MOK: variants seen among roughly 807,000 people sequenced by gnomAD.
MOK encodes MAPK/MAK/MRK overlapping kinase.
A neutral mutation model predicts 54.2 loss-of-function variants in MOK; 59 were observed. The observed-to-expected ratio is 1.09, with a 90% CI of 0.88 to 1.35. The LOEUF is 1.35. Ranked by LOEUF, MOK falls within the 40% of genes most tolerant of loss-of-function variation. The probability of loss-of-function intolerance (pLI) is 0.00; values close to 1 mark genes in which losing one functional copy is unlikely to be tolerated. For missense variants in MOK, 517 were observed against 526.2 expected (o/e 0.98, Z 0.17); for synonymous variants, 210 against 202.7 (o/e 1.04, Z -0.31).
chr14:102,286,375 A>G (rs1294670980), intron 1 of MOK, among the ~76,000 whole-genome samples: 7 of 150,300 alleles, frequency 4.7e-5, no homozygotes, highest in Non-Finnish European at 1.0e-4. Flanking sequence ...TAATCCCAGC[A>G]CTTTGGGAGG....
At chr14:102,234,638 C>G (rs1017451802) in intron 7 of MOK, among the ~76,000 whole-genome samples, 1 of 152,122 alleles carries the variant, frequency 6.6e-6, no homozygotes, top group South Asian at 2.1e-4. Context: ...GTCTATTCCT[C>G]CTAAAACTAC....
intron 2 of MOK, among the ~76,000 whole-genome samples, chr14:102,269,599 A>G (rs2153145431): frequency 6.6e-6 from 1 of 151,888 alleles, no homozygotes; most frequent in East Asian, 1.9e-4. Flanking sequence ...CAGCCTCCCA[A>G]GTAGCTGGGA....
At chr14:102,257,427 T>C in intron 4 of MOK, among the ~76,000 whole-genome samples, 1 of 151,970 alleles carries the variant, frequency 6.6e-6, no homozygotes, top group South Asian at 2.1e-4. Context: ...AAGCCCAGAG[T>C]CTGCTTCTTC....
chr14:102,224,950 T>C (rs1332249797), downstream of MOK: 4 of 379,866 alleles, frequency 1.1e-5, no homozygotes, highest in South Asian at 4.1e-5. Flanking sequence ...AAAGTGTTGA[T>C]TGCTAGGTGC....
At chr14:102,277,845 C>A (rs2069024267) in intron 2 of MOK, among the ~76,000 whole-genome samples, 1 of 152,152 alleles carries the variant, frequency 6.6e-6, no homozygotes, top group Non-Finnish European at 1.5e-5. Context: ...AAACAATGTG[C>A]ACTTCAAGAT....
At chr14:102,303,791 C>T (rs1471853535) in intron 1 of MOK, among the ~76,000 whole-genome samples, 1 of 152,086 alleles carries the variant, frequency 6.6e-6, no homozygotes, top group Non-Finnish European at 1.5e-5. Flanking sequence ...AGAGAAAACA[C>T]CAGAGCGAAA....
At chr14:102,224,796 T>TAGAA (rs1301793738), downstream of MOK, 1 of 455,906 alleles carries the variant, frequency 2.2e-6, no homozygotes, top group African/African-American at 2.0e-5. Context: ...GTGAGTCTTC[T>TAGAA]AGAAAGAGAA....
chr14:102,298,355 G>C (rs550497464), intron 1 of MOK, among the ~76,000 whole-genome samples: 1 of 152,100 alleles, frequency 6.6e-6, no homozygotes, highest in East Asian at 1.9e-4. Flanking sequence ...CTAGCTCAAA[G>C]TTTGTAAACA....
At chr14:102,299,296 CT>C (rs1413903201) in intron 1 of MOK, among the ~76,000 whole-genome samples, 1 of 152,140 alleles carries the variant, frequency 6.6e-6, no homozygotes, top group East Asian at 1.9e-4. Flanking sequence ...GGCAGATCAC[CT>C]GAGGTCAGGA....
downstream of MOK, among the ~76,000 whole-genome samples, chr14:102,224,225 A>G (rs1335585762): frequency 1.3e-5 from 2 of 151,900 alleles, no homozygotes; most frequent in Non-Finnish European, 2.9e-5. Flanking sequence ...TATTTTTAGT[A>G]GAGATGGGGT....
intron 4 of MOK, among the ~76,000 whole-genome samples, chr14:102,253,489 T>C (rs749003223): frequency 6.6e-6 from 1 of 152,242 alleles, no homozygotes; most frequent in Non-Finnish European, 1.5e-5. Context: ...CCTGTTTATG[T>C]GGAGATGTCC....
At chr14:102,300,496 C>T (rs956467981) in intron 1 of MOK, among the ~76,000 whole-genome samples, 2 of 152,056 alleles carry the variant, frequency 1.3e-5, no homozygotes, top group African/African-American at 4.8e-5. Context: ...CTGTCGTGAG[C>T]TGTGGCTACA....
chr14:102,282,197 G>A lies in MOK; in HGVS notation c.122+1281C>T, dbSNP rs372109251. Among the ~76,000 whole-genome samples the A allele has an allele frequency of 3.9e-4, 60 of 151,968 alleles. No individual in the cohort carries two copies. The South Asian group carries it at 9.8e-3, about 25-fold the overall frequency. Reference sequence around the variant, plus strand: ...TGAGGCAGAAGGATCACTTGAGCCCGGGAGTTCATGGTCAGCTTGGGCAAC... The same window carrying A: ...TGAGGCAGAAGGATCACTTGAGCCCAGGAGTTCATGGTCAGCTTGGGCAAC... On this transcript the variant is annotated intron_variant, in intron 2 of 11. Transcript: ENST00000361847.
At chr14:102,222,936 CGAG>C, downstream of MOK, 4 of 1,607,140 alleles carry the variant, frequency 2.5e-6, no homozygotes, top group Non-Finnish European at 2.6e-6. The surrounding 1 kb of genome is among the most constrained non-coding windows in gnomAD (Gnocchi z 4.4). Context: ...GAGGGAGTGA[CGAG>C]GAGGAGCTCC....
intron 3 of MOK, 174 bp from the exon 4 acceptor site, chr14:102,263,790 T>C: frequency 4.7e-6 from 2 of 428,990 alleles, no homozygotes; most frequent in Non-Finnish European, 8.1e-6. Context: ...GTATTTCAGA[T>C]AAAATTAACT....
intron 2 of MOK, among the ~76,000 whole-genome samples, chr14:102,268,597 C>A (rs1311637408): frequency 1.3e-5 from 2 of 152,148 alleles, no homozygotes; most frequent in Admixed American, 1.3e-4. Flanking sequence ...AAATTATGAT[C>A]ACCAGGACTC....
Position 102,249,633 on chromosome 14 carries a change from C to A in MOK, c.590+1179G>T, listed in dbSNP as rs756842421. Among the ~76,000 whole-genome samples the A allele has an allele frequency of 1.3e-5, 2 of 152,110 alleles. No homozygotes were observed. Among genetic ancestry groups the A allele is most frequent in the African/African-American group, 2.4e-5 (1 of 41,428 alleles). Reference sequence around the variant, plus strand: ...CTGAGGCAGGAGAATCGCTAGAACCCGGGAGGCGGAGGCTGCGGTGAGCCA... The same window carrying A: ...CTGAGGCAGGAGAATCGCTAGAACCAGGGAGGCGGAGGCTGCGGTGAGCCA... On this transcript the variant is annotated intron_variant, in intron 7 of 11. Transcript: ENST00000361847. This position sits in a 1 kb window ranked among gnomAD's most constrained non-coding sequence, Gnocchi z 5.3.
chr14:102,287,864 C>T (rs945397241), intron 1 of MOK, among the ~76,000 whole-genome samples: 12 of 133,150 alleles, frequency 9.0e-5, no homozygotes, highest in African/African-American at 2.0e-4. Flanking sequence ...CTTGCTCTGT[C>T]GCCCAGGCCG....
In MOK at chr14:102,229,638, T is replaced by C. The variant is rs775224634; in HGVS notation, c.1001A>G (p.Glu334Gly). ...GRKQKQSLKQ[E>G]EDRPKRRGPA... ...TCCTCGTCTCTTGGGACGGTCCTCC[T>C]CTTGCTTTAGGGACTGTTTCTTGAA... Residue 334 changes from glutamate (E) to glycine (G), a missense_variant, in exon 11 of 12, where the codon GAG becomes GGG. Physicochemically the swap from Glu to Gly is moderately conservative, Grantham distance 98. Coordinates refer to ENST00000361847, the MANE Select transcript of MOK (RefSeq NM_014226.3). 1 of 1,612,398 alleles carries C rather than the reference T, an allele frequency of 6.2e-7. No homozygotes were observed. Among genetic ancestry groups the C allele is most frequent in the Non-Finnish European group, 8.5e-7 (1 of 1,178,810 alleles).
Sources: gnomAD v4.1 joint callset for allele counts (sites outside exome capture counted in the v4.1 genomes callset) on GRCh38, gnomAD v4.1.1 for gene constraint, Gnocchi (gnomAD v3.1) non-coding constraint, MANE v1.5 for transcripts, NCBI Gene and HGNC (gene_info 2026-07-23, HGNC 2026-07-21) for gene names.